Variants in RGS13 observed in about 807,000 individuals in gnomAD.
The protein encoded by RGS13 is regulator of G protein signaling 13.
Under a neutral mutation model 19.9 loss-of-function variants are expected in RGS13, and 14 were observed. The observed-to-expected ratio is 0.70, with a 90% CI of 0.46 to 1.10. The LOEUF (loss-of-function observed/expected upper bound fraction) is 1.10. Ranked by LOEUF, RGS13 falls within the 50% of genes least tolerant of loss-of-function variation. The pLI is 0.00. For missense variants in RGS13, 205 were observed against 187.1 expected, an observed-to-expected ratio of 1.10 and a Z score of -0.56; for synonymous variants, 60 against 56.8, an observed-to-expected ratio of 1.06 and a Z score of -0.25.
intron 5 of RGS13, among the ~76,000 whole-genome samples, chr1:192,656,603 T>C (rs149661689): frequency 6.6e-6 from 1 of 152,248 alleles, no homozygotes; most frequent in African/African-American, 2.4e-5. Context: ...GTTACATTTA[T>C]ATAATGCCTC....
At chr1:192,644,226 C>CTT in intron 3 of RGS13, 105 bp from the exon 4 acceptor site, 3 of 775,756 alleles carry the variant, frequency 3.9e-6, no homozygotes, top group Non-Finnish European at 5.9e-6. Context: ...AAGAGCCCAT[C>CTT]TTTTTTTTTA....
chr1:192,657,682 G>C (rs1199824696), intron 5 of RGS13, among the ~76,000 whole-genome samples: 1 of 152,080 alleles, frequency 6.6e-6, no homozygotes, highest in Non-Finnish European at 1.5e-5. Context: ...ATCTATCTGT[G>C]TTCTGCTCTG....
At chr1:192,647,302 C>T (rs1485117455) in intron 4 of RGS13, 2 of 152,146 alleles carry the variant, frequency 1.3e-5, no homozygotes, top group Non-Finnish European at 2.9e-5. Flanking sequence ...CCTGGAATTA[C>T]TCTAATCATG....
intron 6 of RGS13, chr1:192,658,897 T>C (rs942288362): frequency 2.5e-5 from 4 of 160,394 alleles, no homozygotes; most frequent in Non-Finnish European, 4.1e-5. Flanking sequence ...CCTCTATTTA[T>C]CCACTTCTCT....
At position 192,652,389 on chromosome 1, in the gene RGS13, A is replaced by G. The variant is rs535430489; in HGVS notation, c.127+4402A>G. Among the ~76,000 whole-genome samples the G allele has an allele frequency of 9.9e-5, 15 of 152,098 alleles. No homozygotes were observed. The South Asian group carries it at 3.1e-3, about 32-fold the overall frequency. ...GCAAGCTCCTTTGCTGCACAGTGTG[A>G]TTGGCAGTTTCCTACACTATCACTT... On this transcript the variant is annotated intron_variant, in intron 5 of 6. Transcript: ENST00000391995.
chr1:192,647,642 G>A (rs1206416771), intron 4 of RGS13: 1 of 165,636 alleles, frequency 6.0e-6, no homozygotes, highest in Non-Finnish European at 1.3e-5. Context: ...TACTAATAGT[G>A]GTAATTTATT....
At chr1:192,652,651 A>G (rs1364822639) in intron 5 of RGS13, among the ~76,000 whole-genome samples, 2 of 152,020 alleles carry the variant, frequency 1.3e-5, no homozygotes, top group African/African-American at 4.8e-5. Context: ...ATAGCATTTC[A>G]GATATAAACC....
In RGS13 at chr1:192,641,258, G is replaced by A. The variant is rs1199886170; in HGVS notation, c.-5+3055G>A. 1.7e-3 allele frequency among the ~76,000 whole-genome samples: 121 copies of A among 70,126 alleles called. 2 individuals carry two copies. The South Asian group carries it at 0.027, about 16-fold the overall frequency. 46.0% of individuals were successfully genotyped at this position (70,126 alleles called of 152,430 possible). ...AAAGAAAGAAAGAAAAGAAAGAAAA[G>A]AAAGAAAGAAAGAAAGAAAGAAAGA... On this transcript the variant is annotated intron_variant, in intron 3 of 6. Transcript: ENST00000391995.
intron 1 of RGS13, among the ~76,000 whole-genome samples, chr1:192,636,574 T>G (rs1663022776): frequency 6.6e-6 from 1 of 152,040 alleles, no homozygotes; most frequent in Non-Finnish European, 1.5e-5. Flanking sequence ...TAAAGTATAT[T>G]ATTTCATTTT....
Position 192,659,443 on chromosome 1 carries a change from A to T in RGS13, c.400A>T (p.Arg134Trp), listed in dbSNP as rs891726780. The change falls in exon 7 of 7, where the codon AGG becomes TGG. Residue 134 changes from arginine (R) to tryptophan (W), a missense_variant. Physicochemically the swap from Arg to Trp is moderately radical, Grantham distance 101. Coordinates refer to ENST00000391995, the MANE Select transcript of RGS13 (RefSeq NM_002927.5). ...GAAAATAGTCTATATGCATATGGAA[A>T]GGGATTCCTACCCCAGATTTCTAAA... ...AQKIVYMHME[R>W]DSYPRFLKSE... The T allele has an allele frequency of 5.6e-6, 9 of 1,613,098 alleles. No homozygotes were observed. The highest frequency in any genetic ancestry group is 7.6e-6 in the Non-Finnish European group (9 of 1,179,392).
intron 5 of RGS13, among the ~76,000 whole-genome samples, chr1:192,649,716 T>TG (rs1379660888): frequency 2.0e-5 from 3 of 152,160 alleles, no homozygotes; most frequent in Non-Finnish European, 2.9e-5. Flanking sequence ...TGTACATCTA[T>TG]GATTCTTCTC....
At chr1:192,652,906 C>T (rs1445686029) in intron 5 of RGS13, among the ~76,000 whole-genome samples, 2 of 152,008 alleles carry the variant, frequency 1.3e-5, no homozygotes, top group Non-Finnish European at 2.9e-5. Context: ...AAGGAAACCA[C>T]AGCAAAGAGG....
intron 3 of RGS13, among the ~76,000 whole-genome samples, chr1:192,638,415 G>A (rs547536052): frequency 1.3e-5 from 2 of 151,806 alleles, no homozygotes; most frequent in South Asian, 4.2e-4. Context: ...CTGAAGCTGG[G>A]TTAAGTATTT....
In RGS13 at chr1:192,658,325, G is replaced by C. The variant is rs1269850531; in HGVS notation, c.252G>C (p.Lys84Asn). ...ASRWSRISRA[K>N]KLYKIYIQPQ... The stretch of plus-strand genomic sequence containing the variant: ...GGTGGAGCAGAATTTCTAGGGCAAA[G>C]AAGCTTTATAAGATTTACATCCAGC... The change falls in exon 6 of 7, where the codon AAG becomes AAC. Residue 84 changes from lysine (K) to asparagine (N), a missense_variant. Lys to Asn is a moderately conservative substitution (Grantham distance 94). Coordinates refer to ENST00000391995, the MANE Select transcript of RGS13 (RefSeq NM_002927.5). The C allele has an allele frequency of 3.7e-6, 6 of 1,613,292 alleles. No individual in the cohort carries two copies. The Admixed American group carries it at 1.0e-4, about 27-fold the overall frequency.
At chr1:192,650,299 C>A (rs1239145728) in intron 5 of RGS13, among the ~76,000 whole-genome samples, 1 of 151,992 alleles carries the variant, frequency 6.6e-6, no homozygotes, top group Non-Finnish European at 1.5e-5. Flanking sequence ...AAGAGCCTTT[C>A]CAGAAATCAT....
At chr1:192,641,708 T>A (rs1364531570) in intron 3 of RGS13, among the ~76,000 whole-genome samples, 2 of 152,198 alleles carry the variant, frequency 1.3e-5, no homozygotes, top group Non-Finnish European at 2.9e-5. Context: ...TTCTCTTAAA[T>A]ATTTGTGTTC....
chr1:192,658,550 C>A, intron 6 of RGS13, 183 bp downstream of exon 6: 1 of 508,518 alleles, frequency 2.0e-6, no homozygotes, highest in Non-Finnish European at 3.4e-6. Flanking sequence ...TGTCCAGTGT[C>A]ACACAGCCAT....
At chr1:192,655,181 G>A (rs563524865) in intron 5 of RGS13, among the ~76,000 whole-genome samples, 7 of 152,090 alleles carry the variant, frequency 4.6e-5, no homozygotes, top group Non-Finnish European at 1.0e-4. Context: ...CCGCTAGCTT[G>A]AGTAACTTGC....
At chr1:192,657,726 A>C (rs2296021) in intron 5 of RGS13, among the ~76,000 whole-genome samples, 61,708 of 152,058 alleles carry the variant, frequency 0.41, 14,191 homozygotes, top group East Asian at 0.66. Flanking sequence ...GGGTGTACAA[A>C]CTAATTAGAG....
Sources: allele counts gnomAD v4.1 joint callset (sites outside exome capture counted in the v4.1 genomes callset), GRCh38; gene constraint gnomAD v4.1.1; transcripts MANE v1.5; gene names NCBI Gene and HGNC (gene_info 2026-07-23, HGNC 2026-07-21).